DMD: variants seen among roughly 807,000 people sequenced by gnomAD.
DMD encodes the protein dystrophin, also known as mutant dystrophin.
Under a neutral mutation model 330.1 loss-of-function variants are expected in DMD, and 63 were observed. The ratio of observed to expected loss-of-function variants is 0.19; its 90% CI spans 0.16 to 0.24. The LOEUF is 0.24. Ranked by LOEUF, DMD falls within the 10% of genes least tolerant of loss-of-function variation. The probability of loss-of-function intolerance (pLI) is 1.00; values close to 1 mark genes in which losing one functional copy is unlikely to be tolerated. For synonymous variants in DMD, 1,223 were observed against 959.8 expected (o/e 1.27, Z -5.07); for missense variants, 3,344 against 2,684.1 (o/e 1.25, Z -5.43).
intron 32 of DMD, among the ~76,000 whole-genome samples, chrX:32,387,177 A>C (rs2097964339): frequency 9.0e-6 from 1 of 111,106 alleles, no homozygotes; most frequent in Non-Finnish European, 1.9e-5. Flanking sequence ...CACAAAACAT[A>C]GGTTGCTATA....
intron 7 of DMD, among the ~76,000 whole-genome samples, chrX:32,789,885 CAA>C (rs1034334167): frequency 3.6e-5 from 4 of 111,876 alleles, no homozygotes; most frequent in Non-Finnish European, 7.5e-5. Flanking sequence ...TGATTTGAAG[CAA>C]AAGTTTATTC....
At chrX:31,139,509 G>A (rs1269458299) in intron 76 of DMD, among the ~76,000 whole-genome samples, 5 of 93,590 alleles carry the variant, frequency 5.3e-5, no homozygotes, top group East Asian at 3.4e-4. Context: ...ACACACACAC[G>A]CCATGGAATA....
At chrX:32,527,476 G>T (rs1264201061) in intron 17 of DMD, among the ~76,000 whole-genome samples, 1 of 110,138 alleles carries the variant, frequency 9.1e-6, no homozygotes, top group African/African-American at 3.3e-5. Context: ...CTCAGTTCAA[G>T]ATGCACATCA....
chrX:32,260,733 T>A (rs1373554882), intron 43 of DMD, among the ~76,000 whole-genome samples: 1 of 95,519 alleles, frequency 1.0e-5, no homozygotes, highest in Non-Finnish European at 2.4e-5. Context: ...AACTATACAT[T>A]ATCCCTCCAG....
At chrX:32,300,610 T>C (rs1454221072) in intron 42 of DMD, among the ~76,000 whole-genome samples, 3 of 112,044 alleles carry the variant, frequency 2.7e-5, no homozygotes, top group African/African-American at 9.7e-5. Context: ...TGTTAAGTTG[T>C]ACACATCGCC....
At chrX:32,524,688 C>A (rs1428112339) in intron 17 of DMD, among the ~76,000 whole-genome samples, 2 of 112,100 alleles carry the variant, frequency 1.8e-5, no homozygotes, top group Non-Finnish European at 1.9e-5. Flanking sequence ...GGCCTGGACA[C>A]CAGTTGGCAC....
intron 2 of DMD, among the ~76,000 whole-genome samples, chrX:32,990,267 A>G (rs183644573): frequency 3.7e-4 from 42 of 112,007 alleles, no homozygotes; most frequent in Admixed American, 3.6e-3. Context: ...CTTAGAGACC[A>G]TGCTTTCATG....
chrX:33,054,498 T>C (rs971828989), intron 1 of DMD, among the ~76,000 whole-genome samples: 1 of 112,338 alleles, frequency 8.9e-6, no homozygotes, highest in Non-Finnish European at 1.9e-5. Flanking sequence ...ACAAATTTAT[T>C]CTTGAATGTT....
intron 42 of DMD, among the ~76,000 whole-genome samples, chrX:32,304,629 A>G (rs1014352778): frequency 6.3e-5 from 7 of 111,552 alleles, no homozygotes; most frequent in African/African-American, 2.3e-4. Context: ...TTTAAGCATG[A>G]TTTAAACTAC....
rs760073764 is a variant in DMD at position 33,009,974 on chromosome X, G to GTA, written c.93+10163_93+10164dup. Among the ~76,000 whole-genome samples, 181 of 51,779 alleles carry GTA rather than the reference G, an allele frequency of 3.5e-3. 4 individuals carry two copies. The highest frequency in any genetic ancestry group is 0.023 in the East Asian group (24 of 1,055). 45.0% of individuals were successfully genotyped at this position (51,779 alleles called of 115,157 possible). A position where few individuals can be genotyped will look rare whatever the true frequency, so the allele number is the denominator to read the frequency against. On this transcript the variant is annotated intron_variant, in intron 2 of 78. Coordinates refer to ENST00000357033, the MANE Select transcript of DMD (RefSeq NM_004006.3). ...TGTATGTGTATATACACATATGTGT[G>GTA]TATACACATGTGTGTATATACACGT...
At chrX:32,477,003 T>C (rs993782688) in intron 21 of DMD, among the ~76,000 whole-genome samples, 4 of 111,562 alleles carry the variant, frequency 3.6e-5, no homozygotes, top group African/African-American at 9.7e-5. Flanking sequence ...CTGACATCAT[T>C]AGACTCAGCA....
Position 33,112,588 on chromosome X carries a change from T to G in DMD, c.32-92388A>C, listed in dbSNP as rs754369399. 2.7e-5 allele frequency among the ~76,000 whole-genome samples: 3 copies of G among 111,293 alleles called. No homozygotes were observed. In the Admixed American group the frequency reaches 2.9e-4, roughly 11 times the overall value. ...GCATAATTGGAAGTGTACCGTCCTA[T>G]CCCCCTTTGAACTATAAAATAATAT... On this transcript the variant is annotated intron_variant, in intron 1 of 78. Coordinates refer to ENST00000357033, the MANE Select transcript of DMD (RefSeq NM_004006.3).
intron 48 of DMD, among the ~76,000 whole-genome samples, chrX:31,863,421 T>C (rs2093745740): frequency 8.9e-6 from 1 of 112,394 alleles, no homozygotes; most frequent in Non-Finnish European, 1.9e-5. Context: ...TGCCCACTTT[T>C]TGGTTAATGA....
intron 7 of DMD, among the ~76,000 whole-genome samples, chrX:32,713,389 T>C (rs1005755160): frequency 4.5e-5 from 5 of 111,264 alleles, no homozygotes; most frequent in African/African-American, 1.6e-4. Context: ...CAGCTGGAGA[T>C]TGAAAGAAGA....
At chrX:31,653,881 C>A (rs2080612456) in intron 54 of DMD, among the ~76,000 whole-genome samples, 1 of 111,638 alleles carries the variant, frequency 9.0e-6, no homozygotes, top group Admixed American at 9.5e-5. Context: ...TAGGTCACAA[C>A]AATAATCTAT....
At chrX:32,057,467 C>T (rs1022791737) in intron 44 of DMD, among the ~76,000 whole-genome samples, 4 of 110,664 alleles carry the variant, frequency 3.6e-5, no homozygotes, top group Admixed American at 9.6e-5. Context: ...CGTTTCTATA[C>T]GCTAGCAACA....
intron 44 of DMD, among the ~76,000 whole-genome samples, chrX:32,132,359 C>T (rs116077284): frequency 1.5e-3 from 162 of 111,678 alleles, no homozygotes; most frequent in African/African-American, 5.1e-3. Flanking sequence ...AAGCACTTCT[C>T]ACACATTTAA....
chrX:32,867,979 C>A (rs2082646881), intron 2 of DMD, among the ~76,000 whole-genome samples: 1 of 110,676 alleles, frequency 9.0e-6, no homozygotes, highest in Non-Finnish European at 1.9e-5. Context: ...CAGAGGCTCC[C>A]ACTGAGAAGA....
Position 32,468,702 on chromosome X carries a change from T to C in DMD, c.2958A>G (p.Gln986=). 8.3e-7 allele frequency: 1 copy of C among 1,208,852 alleles called. No individual in the cohort carries two copies. The highest frequency in any genetic ancestry group is 1.8e-5 in the South Asian group (1 of 56,832). The change falls in exon 23 of 79, where the codon CAA becomes CAG. Residue 986 remains glutamine, a synonymous_variant. Transcript: ENST00000357033. ...EQRLGELQAL[Q]SSLQEQQSGL... is the part of the protein sequence containing the mutation. ...CACTTTGTTGCTCTTGCAGAGAACT[T>C]TGTAAAGCCTAAAAAACAATTTTTT... is the stretch of plus-strand genomic sequence containing the variant.
Sources: allele counts gnomAD v4.1 joint callset (sites outside exome capture counted in the v4.1 genomes callset), GRCh38; gene constraint gnomAD v4.1.1; transcripts MANE v1.5; gene names NCBI Gene and HGNC (gene_info 2026-07-23, HGNC 2026-07-21).